ADD3: variants seen among roughly 807,000 people sequenced by gnomAD.
ADD3 encodes adducin 3.
In ADD3, 25 loss-of-function variants were observed where a neutral mutation model predicts 80.2. The ratio of observed to expected loss-of-function variants is 0.31; its 90% CI spans 0.23 to 0.44. The LOEUF (loss-of-function observed/expected upper bound fraction) is 0.44, where lower values mean the gene tolerates loss of function less well. Ranked by LOEUF, ADD3 falls within the 20% of genes least tolerant of loss-of-function variation. The pLI is 1.00. For missense variants in ADD3, 829 were observed against 847.5 expected (o/e 0.98, Z 0.27); for synonymous variants, 284 against 289.6 (o/e 0.98, Z 0.20).
At chr10:110,121,298 A>G (rs1379383083) in intron 8 of ADD3, among the ~76,000 whole-genome samples, 2 of 152,136 alleles carry the variant, frequency 1.3e-5, no homozygotes, top group African/African-American at 4.8e-5. Flanking sequence ...AGCCTGACCA[A>G]CATGGAGAAA....
intron 1 of ADD3, among the ~76,000 whole-genome samples, chr10:110,058,806 T>C (rs531167468): frequency 3.3e-5 from 5 of 152,284 alleles, no homozygotes; most frequent in African/African-American, 1.2e-4. Context: ...AGCATCTAAG[T>C]ATCTAGCTCA....
intron 2 of ADD3, among the ~76,000 whole-genome samples, chr10:110,108,066 A>G (rs929457030): frequency 4.6e-5 from 7 of 152,142 alleles, no homozygotes; most frequent in Non-Finnish European, 7.4e-5. Flanking sequence ...GTTCTTCTCT[A>G]GTGGAGACTC....
chr10:110,123,815 A>G (rs1851811914), intron 9 of ADD3: 1 of 562,274 alleles, frequency 1.8e-6, no homozygotes. Context: ...ATCAGCTGTT[A>G]TCAGCTCTAA....
At chr10:110,109,305 G>C (rs1231492097) in intron 2 of ADD3, among the ~76,000 whole-genome samples, 2 of 152,078 alleles carry the variant, frequency 1.3e-5, no homozygotes, top group Non-Finnish European at 2.9e-5. Context: ...CCAGAGTTGA[G>C]ATAAAATTTG....
chr10:110,096,604 C>T (rs1848189908), intron 1 of ADD3, among the ~76,000 whole-genome samples: 1 of 152,086 alleles, frequency 6.6e-6, no homozygotes, highest in South Asian at 2.1e-4. Flanking sequence ...GGGGGGTCTG[C>T]TGGGAACCTG....
chr10:110,121,921 T>C (rs1345841108), intron 8 of ADD3, 189 bp from the exon 9 acceptor site: 3 of 460,112 alleles, frequency 6.5e-6, no homozygotes, highest in Non-Finnish European at 1.1e-5. Context: ...GGAAGGTTTC[T>C]TTTTCAGATA....
intron 1 of ADD3, among the ~76,000 whole-genome samples, chr10:110,034,696 T>C (rs938602135): frequency 6.6e-6 from 1 of 152,168 alleles, no homozygotes; most frequent in African/African-American, 2.4e-5. Flanking sequence ...TTCTCTAATC[T>C]GAATATAAAG....
chr10:110,011,584 T>C (rs912485270), intron 1 of ADD3, among the ~76,000 whole-genome samples: 7 of 152,250 alleles, frequency 4.6e-5, no homozygotes, highest in Non-Finnish European at 8.8e-5. Flanking sequence ...GTTTTTGTTA[T>C]AATTAGTGCT....
chr10:110,054,400 T>G (rs976032986), intron 1 of ADD3, among the ~76,000 whole-genome samples: 2 of 151,192 alleles, frequency 1.3e-5, no homozygotes, highest in African/African-American at 4.8e-5. Context: ...GGACTATCAC[T>G]CAACTAGCTG....
rs1237242592 is a variant in ADD3, at chr10:110,009,656, A to AGCAGATTAACTT, written c.-30+1358_-30+1369dup. 3.9e-5 allele frequency among the ~76,000 whole-genome samples: 6 copies of AGCAGATTAACTT among 152,194 alleles called. No homozygotes were observed. In the East Asian group the frequency reaches 5.8e-4, roughly 15 times the overall value. On this transcript the variant is annotated intron_variant, in intron 1 of 14. Transcript: ENST00000356080. The stretch of plus-strand genomic sequence containing the variant: ...AACTTATTTTCCTTTGCTTAAATGG[A>AGCAGATTAACTT]GCAGATTAACTTTATGGAAGGAGGA...
intron 1 of ADD3, among the ~76,000 whole-genome samples, chr10:110,068,387 TA>T (rs1844246902): frequency 1.3e-5 from 2 of 152,132 alleles, no homozygotes; most frequent in Non-Finnish European, 2.9e-5. Context: ...AGATTGAAAA[TA>T]TTAGAGTAAA....
chr10:110,116,357 T>C lies in ADD3; in HGVS notation c.433T>C (p.Tyr145His). 6.2e-7 allele frequency: 1 copy of C among 1,614,210 alleles called. No homozygotes were observed. ...KLTRCKLASL[Y>H]RLVDLFGWAH... is the part of the protein sequence containing the mutation. ...TACTCGCTGTAAACTTGCCAGCCTGTACAGACTTGTAGACTTGTTTGGATG... is the reference window on the plus strand; with the variant it reads ...TACTCGCTGTAAACTTGCCAGCCTGCACAGACTTGTAGACTTGTTTGGATG... The change falls in exon 4 of 15, where the codon TAC (tyrosine) becomes CAC (histidine). Residue 145 changes from tyrosine to histidine, a missense_variant. Transcript: ENST00000356080.
chr10:110,067,974 C>T (rs759093539), intron 1 of ADD3, among the ~76,000 whole-genome samples: 6 of 152,144 alleles, frequency 3.9e-5, no homozygotes, highest in Admixed American at 1.3e-4. Context: ...TTTCTCTATA[C>T]TGGAAAAACA....
In ADD3 at chr10:110,016,665, C is replaced by T. The variant is rs1029366376; in HGVS notation, c.-30+8366C>T. On this transcript the variant is annotated intron_variant, in intron 1 of 14. Coordinates refer to ENST00000356080, the MANE Select transcript of ADD3 (RefSeq NM_016824.5). ...TTGAATACTTCGATTGTTTTTTTCT[C>T]CTGCCCTTTTTGTCTCATTTTGTAA... The T allele has an allele frequency of 2.6e-5, 4 of 152,106 alleles. No homozygotes were observed. The East Asian group carries it at 7.7e-4, about 29-fold the overall frequency. 9.4% of individuals were successfully genotyped at this position (152,106 alleles called of 1,614,324 possible). A position where few individuals can be genotyped will look rare whatever the true frequency, so the allele number is the denominator to read the frequency against.
intron 8 of ADD3, 43 bp from the exon 9 acceptor site, chr10:110,122,067 C>A: frequency 6.5e-7 from 1 of 1,539,494 alleles, no homozygotes. Context: ...TCATTACAGT[C>A]TTTATAGTTT....
intron 2 of ADD3, among the ~76,000 whole-genome samples, chr10:110,103,061 AT>A (rs942986984): frequency 3.2e-4 from 49 of 151,730 alleles, no homozygotes; most frequent in Admixed American, 2.5e-3. Flanking sequence ...AAAAGTTGAT[AT>A]TTTTTTTTCC....
At chr10:110,081,350 A>G (rs1158724879) in intron 1 of ADD3, among the ~76,000 whole-genome samples, 1 of 152,236 alleles carries the variant, frequency 6.6e-6, no homozygotes, top group African/African-American at 2.4e-5. Flanking sequence ...TAACTGAGAC[A>G]GTCTTGCTTA....
At position 110,101,871 on chromosome 10, in the gene ADD3, G is replaced by A. The variant is rs191160660; in HGVS notation, c.195+1023G>A. Among the ~76,000 whole-genome samples, 173 of 152,272 alleles carry A rather than the reference G, an allele frequency of 1.1e-3. 2 individuals are homozygous for A. The highest frequency in any genetic ancestry group is 4.0e-3 in the African/African-American group (168 of 41,574). On this transcript the variant is annotated intron_variant, in intron 2 of 14. Transcript: ENST00000356080. ...GACAGAGTTCAGCACACAGACATAT[G>A]ATGCCCAGGTTAGGGTTATATTAGG...
At position 110,133,711 on chromosome 10, in the gene ADD3, AG is replaced by A. The variant is rs2134267097; in HGVS notation, c.*94del. The A allele has an allele frequency of 9.3e-7, 1 of 1,079,578 alleles. No individual in the cohort carries two copies. Among genetic ancestry groups the A allele is most frequent in the East Asian group, 2.8e-5 (1 of 36,272 alleles). The allele number at this position is 1,079,578 out of a possible 1,614,324, so 66.9% of individuals were successfully genotyped here. On this transcript the variant is annotated 3_prime_UTR_variant, in exon 15 of 15. Transcript: ENST00000356080. ...GATCATTAATATGCAATGGTAGATC[AG>A]ATTGGGGGATGTAGCAAACTGGACT...
Sources: allele counts gnomAD v4.1 joint callset (sites outside exome capture counted in the v4.1 genomes callset), GRCh38; gene constraint gnomAD v4.1.1; transcripts MANE v1.5; gene names NCBI Gene and HGNC (gene_info 2026-07-23, HGNC 2026-07-21).